Variants in DRD3 observed in about 807,000 individuals in gnomAD.
DRD3 encodes the protein dopamine receptor D3.
DRD3 carries 19 observed loss-of-function variants against 36.3 expected under a neutral mutation model. The observed-to-expected ratio is 0.52, with a 90% CI of 0.36 to 0.77. The LOEUF is 0.77. Among genes scored for constraint, DRD3 ranks in the 30% least tolerant of loss-of-function variants. DRD3 has a pLI of 0.00. For missense variants in DRD3, 465 were observed against 505.3 expected (o/e 0.92, Z 0.77); for synonymous variants, 195 against 203.7 (o/e 0.96, Z 0.36).
intron 1 of DRD3, among the ~76,000 whole-genome samples, chr3:114,184,766 G>A (rs958569953): frequency 6.6e-6 from 1 of 152,076 alleles, no homozygotes; most frequent in South Asian, 2.1e-4. Flanking sequence ...GTATTGCCAT[G>A]TTGGCCAGGC....
chr3:114,134,834 G>T (rs2077461577), intron 5 of DRD3, among the ~76,000 whole-genome samples: 1 of 151,888 alleles, frequency 6.6e-6, no homozygotes, highest in Non-Finnish European at 1.5e-5. Flanking sequence ...CATATTTGTG[G>T]GGCAAATGCA....
intron 1 of DRD3, among the ~76,000 whole-genome samples, chr3:114,194,552 G>A (rs73235907): frequency 1.3e-5 from 2 of 152,238 alleles, no homozygotes; most frequent in Non-Finnish European, 2.9e-5. Context: ...CAAAGGCTAG[G>A]ATTACAAGTG....
intron 1 of DRD3, among the ~76,000 whole-genome samples, chr3:114,192,193 CA>C (rs1256835487): frequency 2.6e-5 from 4 of 152,114 alleles, no homozygotes; most frequent in Admixed American, 2.6e-4. Flanking sequence ...GAAGTGAGGA[CA>C]AAAATTAGGG....
intron 6 of DRD3, 133 bp from the exon 7 acceptor site, chr3:114,129,045 T>C: frequency 1.0e-6 from 1 of 955,702 alleles, no homozygotes; most frequent in Non-Finnish European, 1.5e-6. Flanking sequence ...ACTTACTTTT[T>C]TTTATAACAA....
chr3:114,151,299 G>A (rs967946883), intron 3 of DRD3, among the ~76,000 whole-genome samples: 2 of 152,160 alleles, frequency 1.3e-5, no homozygotes, highest in African/African-American at 4.8e-5. Context: ...ACAGCGAGGG[G>A]AAGGAATACT....
intron 2 of DRD3, 22 bp downstream of exon 2, chr3:114,171,701 C>T (rs2077843749): frequency 6.4e-7 from 1 of 1,564,496 alleles, no homozygotes; most frequent in African/African-American, 1.4e-5. Flanking sequence ...ATAGAGACAA[C>T]ATGCACCTGA....
intron 1 of DRD3, among the ~76,000 whole-genome samples, chr3:114,196,756 G>A (rs2078037503): frequency 6.6e-6 from 1 of 152,056 alleles, no homozygotes; most frequent in African/African-American, 2.4e-5. Flanking sequence ...TCTTGTGCTT[G>A]TTTACCATCT....
At chr3:114,187,574 T>A (rs1277098610) in intron 1 of DRD3, among the ~76,000 whole-genome samples, 1 of 152,218 alleles carries the variant, frequency 6.6e-6, no homozygotes, top group Non-Finnish European at 1.5e-5. Flanking sequence ...CTGCCATGAT[T>A]GAAATGTGGT....
intron 5 of DRD3, among the ~76,000 whole-genome samples, chr3:114,134,532 G>C (rs549044610): frequency 5.3e-5 from 8 of 152,012 alleles, no homozygotes; most frequent in Non-Finnish European, 1.0e-4. Flanking sequence ...CAATTTTCCT[G>C]CCTCAGACTC....
chr3:114,161,960 A>G (rs1409946008), intron 2 of DRD3, among the ~76,000 whole-genome samples: 3 of 152,206 alleles, frequency 2.0e-5, no homozygotes, highest in Admixed American at 6.5e-5. Context: ...GTTTTGGGCT[A>G]GAGTAGGTGA....
At chr3:114,160,310 G>A (rs893934077) in intron 2 of DRD3, among the ~76,000 whole-genome samples, 1 of 151,892 alleles carries the variant, frequency 6.6e-6, no homozygotes, top group African/African-American at 2.4e-5. Context: ...GCAATGGTGC[G>A]ATCTCGGCTC....
At position 114,128,573 on chromosome 3, in the gene DRD3, G is replaced by T. The variant is rs2077397364; in HGVS notation, c.*143C>A. 2 of 778,238 alleles carry T rather than the reference G, an allele frequency of 2.6e-6. No homozygotes were observed. The highest frequency in any genetic ancestry group is 2.0e-6 in the Non-Finnish European group (1 of 511,284). The allele number at this position is 778,238 out of a possible 1,614,324, so 48.2% of individuals were successfully genotyped here. ...ATATTCTGTTTTGGAGGACACATCT[G>T]GTTATACCTGACAAGCAGGGACATC... is the stretch of plus-strand genomic sequence containing the variant. On this transcript the variant is annotated 3_prime_UTR_variant, in exon 7 of 7. Transcript: ENST00000383673.
intron 1 of DRD3, among the ~76,000 whole-genome samples, chr3:114,174,891 A>G (rs1432025797): frequency 6.6e-6 from 1 of 152,178 alleles, no homozygotes; most frequent in Non-Finnish European, 1.5e-5. Context: ...TAGAGAATTC[A>G]TTAACTCAAT....
intron 6 of DRD3, among the ~76,000 whole-genome samples, chr3:114,129,989 C>T (rs2077414371): frequency 6.6e-6 from 1 of 152,042 alleles, no homozygotes; most frequent in East Asian, 1.9e-4. Flanking sequence ...ACCCAGGAGG[C>T]AGAGAACCCA....
At chr3:114,194,826 A>ATT (rs112242006) in intron 1 of DRD3, among the ~76,000 whole-genome samples, 25 of 144,344 alleles carry the variant, frequency 1.7e-4, no homozygotes, top group East Asian at 1.2e-3. Flanking sequence ...TCTTGCAAAG[A>ATT]TTTTTTTTTT....
At chr3:114,164,534 G>A (rs193279858) in intron 2 of DRD3, among the ~76,000 whole-genome samples, 1 of 152,182 alleles carries the variant, frequency 6.6e-6, no homozygotes, top group Non-Finnish European at 1.5e-5. Flanking sequence ...AGACACTCTT[G>A]TTAAACAAAA....
chr3:114,155,492 T>C (rs1204886584), intron 3 of DRD3, among the ~76,000 whole-genome samples: 1 of 152,082 alleles, frequency 6.6e-6, no homozygotes, highest in Non-Finnish European at 1.5e-5. Context: ...GTTGGTTGCG[T>C]TTTAAGTGGT....
At position 114,147,501 on chromosome 3, in the gene DRD3, C is replaced by T. The variant is rs953043755; in HGVS notation, c.440G>A (p.Cys147Tyr). ...HYQHGTGQSS[C>Y]RRVALMITAV... ...CGTGATCATGAGGGCCACGCGCCGACAGGAGCTCTGTCCCGTGCCATGCTG... is the reference window on the plus strand; with the variant it reads ...CGTGATCATGAGGGCCACGCGCCGATAGGAGCTCTGTCCCGTGCCATGCTG... The change falls in exon 4 of 7, where the codon TGT becomes TAT. Residue 147 changes from cysteine to tyrosine, a missense_variant. Transcript: ENST00000383673. The T allele has an allele frequency of 6.2e-7, 1 of 1,614,128 alleles. No homozygotes were observed. Among genetic ancestry groups the T allele is most frequent in the Non-Finnish European group, 8.5e-7 (1 of 1,180,026 alleles).
At chr3:114,173,911 C>T (rs776884050) in intron 1 of DRD3, among the ~76,000 whole-genome samples, 1 of 152,082 alleles carries the variant, frequency 6.6e-6, no homozygotes. Flanking sequence ...CTGTAGCTCT[C>T]CCTTGATTAG....
Sources: allele counts gnomAD v4.1 joint callset (sites outside exome capture counted in the v4.1 genomes callset), GRCh38; gene constraint gnomAD v4.1.1; transcripts MANE v1.5; gene names NCBI Gene and HGNC (gene_info 2026-07-23, HGNC 2026-07-21).